The following EDNRB variants were observed in gnomAD, a reference collection of about 807,000 sequenced individuals.
EDNRB encodes endothelin receptor type B.
In EDNRB, 18 loss-of-function variants were observed where a neutral mutation model predicts 46.4. The ratio of observed to expected loss-of-function variants is 0.39; its 90% CI spans 0.27 to 0.57. The LOEUF (loss-of-function observed/expected upper bound fraction) is 0.57, where lower values mean the gene tolerates loss of function less well. EDNRB is among the 20% of genes least tolerant of loss of function. The pLI is 0.61. For missense variants in EDNRB, 434 were observed against 537.5 expected (o/e 0.81, Z 1.90); for synonymous variants, 213 against 204.9 (o/e 1.04, Z -0.34).
intron 1 of EDNRB, among the ~76,000 whole-genome samples, chr13:77,916,877 A>G (rs1222213407): frequency 6.7e-6 from 1 of 149,022 alleles, no homozygotes; most frequent in Non-Finnish European, 1.5e-5. Context: ...ATATTTTCAT[A>G]TGTCTTTGAA....
intron 1 of EDNRB, among the ~76,000 whole-genome samples, chr13:77,955,556 C>A (rs987154090): frequency 6.6e-6 from 1 of 152,000 alleles, no homozygotes; most frequent in African/African-American, 2.4e-5. Context: ...GTCAATTGTC[C>A]ATCATCAAGA....
rs1473805186 is a variant in EDNRB, at chr13:77,900,574, A to T, written c.1032T>A (p.Ile344=). The change falls in exon 5 of 7, where the codon ATT becomes ATA. Residue 344 remains isoleucine, a synonymous_variant. Coordinates refer to ENST00000646607, the MANE Select transcript of EDNRB (RefSeq NM_001122659.3). The part of the protein sequence containing the change: ...LCWLPLHLSR[I]LKLTLYNQND... ...TCTGATTATAAAGAGTGAGCTTCAG[A>T]ATCCTGCTGAGGTGAAGGGGAAGCC... 1.2e-6 allele frequency: 2 copies of T among 1,612,646 alleles called. No homozygotes were observed. The highest frequency in any genetic ancestry group is 1.7e-6 in the Non-Finnish European group (2 of 1,179,128).
Position 77,897,980 on chromosome 13 carries a change from C to G in EDNRB, c.*220G>C. 1 of 1,333,486 alleles carries G rather than the reference C, an allele frequency of 7.5e-7. No homozygotes were observed. Among genetic ancestry groups the G allele is most frequent in the Non-Finnish European group, 9.6e-7 (1 of 1,039,236 alleles). 82.6% of individuals were successfully genotyped at this position (1,333,486 alleles called of 1,614,324 possible). On this transcript the variant is annotated 3_prime_UTR_variant, in exon 7 of 7. Transcript: ENST00000646607. ...AACTGTAAAAAATTAAGTGCTTTCA[C>G]GACGAGGCTTTCTTAATTCCCACTG...
chr13:77,903,062 A>G, intron 3 of EDNRB, 94 bp downstream of exon 3: 1 of 1,337,342 alleles, frequency 7.5e-7, no homozygotes, highest in Non-Finnish European at 1.1e-6. Flanking sequence ...ACAGTCATAA[A>G]TCAACAGTTT....
chr13:77,915,251 T>C (rs935435243), intron 1 of EDNRB, among the ~76,000 whole-genome samples: 7 of 152,182 alleles, frequency 4.6e-5, no homozygotes, highest in African/African-American at 1.7e-4. Flanking sequence ...TTAGAATAAC[T>C]TCCACTGATA....
intron 1 of EDNRB, among the ~76,000 whole-genome samples, chr13:77,947,247 G>A (rs749786388): frequency 4.6e-5 from 7 of 151,018 alleles, no homozygotes; most frequent in Non-Finnish European, 7.4e-5. Context: ...AACATAAAGA[G>A]GTTGGTTTTT....
At chr13:77,962,354 C>T (rs1376194204) in intron 1 of EDNRB, among the ~76,000 whole-genome samples, 2 of 152,148 alleles carry the variant, frequency 1.3e-5, no homozygotes, top group African/African-American at 2.4e-5. Flanking sequence ...ACCAATATCC[C>T]TGATGAACTT....
At chr13:77,900,437 G>C (rs771128291) in intron 5 of EDNRB, 84 bp downstream of exon 5, 12 of 1,586,780 alleles carry the variant, frequency 7.6e-6, no homozygotes, top group Non-Finnish European at 9.5e-6. Context: ...ATGGTAGTCT[G>C]TCTTTCTGCC....
At position 77,918,237 on chromosome 13, in the gene EDNRB, C is replaced by T. The variant is rs781532939; in HGVS notation, c.337G>A (p.Val113Met). ...GTGGAGTTCCCGATGATCCCCAGCA[C>T]GAACACAAGGCAGGACACAACCGTG... ...INTVVSCLVF[V>M]LGIIGNSTLL... The change falls in exon 1 of 7, where the codon GTG (valine) becomes ATG (methionine). Residue 113 changes from valine (V) to methionine (M), a missense_variant. Physicochemically the swap from Val to Met is conservative, Grantham distance 21. Transcript: ENST00000646607. The surrounding 1 kb of genome is among the most constrained non-coding windows in gnomAD (Gnocchi z 4.5). The T allele has an allele frequency of 3.7e-6, 6 of 1,613,934 alleles. No homozygotes were observed. The African/African-American group carries it at 4.0e-5, about 11-fold the overall frequency.
intron 1 of EDNRB, among the ~76,000 whole-genome samples, chr13:77,927,069 C>T (rs1305323628): frequency 2.0e-5 from 3 of 152,172 alleles, no homozygotes; most frequent in Non-Finnish European, 4.4e-5. Flanking sequence ...TGTGGGAGTA[C>T]AATTCAAGAT....
At chr13:77,954,755 C>T (rs1286569313) in intron 1 of EDNRB, among the ~76,000 whole-genome samples, 1 of 152,124 alleles carries the variant, frequency 6.6e-6, no homozygotes, top group Non-Finnish European at 1.5e-5. Context: ...AGTCCACCTG[C>T]CTCGGCCTCC....
At chr13:77,928,259 T>G (rs1880294919) in intron 1 of EDNRB, among the ~76,000 whole-genome samples, 1 of 152,164 alleles carries the variant, frequency 6.6e-6, no homozygotes, top group South Asian at 2.1e-4. Flanking sequence ...TTACTTCATA[T>G]TTTATTATAC....
At chr13:77,923,023 AT>A (rs1880129864), upstream of EDNRB, among the ~76,000 whole-genome samples, 1 of 152,216 alleles carries the variant, frequency 6.6e-6, no homozygotes, top group African/African-American at 2.4e-5. Flanking sequence ...AGAATCTGAC[AT>A]TTGAAACGTT....
intron 1 of EDNRB, among the ~76,000 whole-genome samples, chr13:77,965,917 C>T (rs1431295169): frequency 1.3e-5 from 2 of 152,090 alleles, no homozygotes; most frequent in Non-Finnish European, 2.9e-5. Context: ...GGCTCTGTCA[C>T]CCAGGCTGGA....
At chr13:77,936,734 C>T (rs542916480) in intron 1 of EDNRB, among the ~76,000 whole-genome samples, 1 of 152,352 alleles carries the variant, frequency 6.6e-6, no homozygotes, top group East Asian at 1.9e-4. Flanking sequence ...GGAGGAATCC[C>T]AGGCTGTGGG....
At chr13:77,919,201 G>A, upstream of EDNRB, 6 of 639,040 alleles carry the variant, frequency 9.4e-6, no homozygotes, top group South Asian at 1.4e-4. Context: ...CAAGTCAGCA[G>A]GAACTTGGAA....
At chr13:77,948,817 A>T (rs1163539482) in intron 1 of EDNRB, among the ~76,000 whole-genome samples, 2 of 152,216 alleles carry the variant, frequency 1.3e-5, no homozygotes, top group African/African-American at 4.8e-5. Flanking sequence ...AAATTAATAC[A>T]AAGGGAAGTC....
intron 1 of EDNRB, chr13:77,939,811 C>A (rs1880685170): frequency 6.6e-6 from 1 of 152,046 alleles, no homozygotes; most frequent in South Asian, 2.1e-4. Flanking sequence ...TCTTGGCCAA[C>A]ATGGTGAAAC....
At chr13:77,959,429 A>G (rs1881337483) in intron 1 of EDNRB, among the ~76,000 whole-genome samples, 1 of 152,230 alleles carries the variant, frequency 6.6e-6, no homozygotes, top group Admixed American at 6.5e-5. Flanking sequence ...CCAGGCAAAC[A>G]GGGTCGGGAG....
Sources: gnomAD v4.1 joint callset for allele counts (sites outside exome capture counted in the v4.1 genomes callset) on GRCh38, gnomAD v4.1.1 for gene constraint, Gnocchi (gnomAD v3.1) non-coding constraint, MANE v1.5 for transcripts, NCBI Gene and HGNC (gene_info 2026-07-23, HGNC 2026-07-21) for gene names.